The following DLG2 variants were observed in gnomAD, a reference collection of about 807,000 sequenced individuals.
DLG2 encodes the protein disks large homolog 2.
DLG2 carries 45 observed loss-of-function variants against 132.5 expected under a neutral mutation model. The observed-to-expected ratio is 0.34, with a 90% CI of 0.27 to 0.44. The LOEUF is 0.44. DLG2 is among the 20% of genes least tolerant of loss of function. The pLI, the probability that DLG2 is intolerant of heterozygous loss-of-function variation, is 1.00. For missense variants in DLG2, 1,045 were observed against 1,196.9 expected, an observed-to-expected ratio of 0.87 and a Z score of 1.87; for synonymous variants, 424 against 419.6, an observed-to-expected ratio of 1.01 and a Z score of -0.13.
chr11:84,523,682 G>C (rs2099311372), intron 7 of DLG2, among the ~76,000 whole-genome samples: 1 of 152,152 alleles, frequency 6.6e-6, no homozygotes, highest in Non-Finnish European at 1.5e-5. Flanking sequence ...ATATTGATGA[G>C]CAGCCTCTGT....
rs186452971 is a variant in DLG2, at chr11:84,877,839, G to C, written c.357+233822C>G. 4.5e-4 allele frequency among the ~76,000 whole-genome samples: 68 copies of C among 152,110 alleles called. No individual in the cohort carries two copies. In the East Asian group the frequency reaches 7.1e-3, roughly 16 times the overall value. On this transcript the variant is annotated intron_variant, in intron 6 of 27. Transcript: ENST00000376104. ...CCATCTGACAAAGGGCTGATGTCCA[G>C]AATCTACAAGGAACTTAAACAAATT... is the stretch of plus-strand genomic sequence containing the variant.
intron 3 of DLG2, among the ~76,000 whole-genome samples, chr11:85,371,971 A>T (rs1220409226): frequency 1.3e-5 from 2 of 152,222 alleles, no homozygotes; most frequent in African/African-American, 4.8e-5. Context: ...TTTTAACAAA[A>T]ATGAGAACTG....
intron 5 of DLG2, among the ~76,000 whole-genome samples, chr11:85,124,250 A>G (rs2074791116): frequency 6.6e-6 from 1 of 152,322 alleles, no homozygotes; most frequent in South Asian, 2.1e-4. Flanking sequence ...TTTTAACTTA[A>G]GTTTGCTTAA....
intron 6 of DLG2, among the ~76,000 whole-genome samples, chr11:84,826,299 C>T (rs1421225814): frequency 1.3e-5 from 2 of 151,816 alleles, no homozygotes; most frequent in African/African-American, 2.4e-5. Context: ...CTTATTTATT[C>T]TTTCTAACTA....
At chr11:84,642,066 G>A (rs555423030) in intron 6 of DLG2, among the ~76,000 whole-genome samples, 4,189 of 98,756 alleles carry the variant, frequency 0.042, 220 homozygotes, top group African/African-American at 0.21. Context: ...ATACGCACGC[G>A]TGTGTGTGTG....
intron 6 of DLG2, among the ~76,000 whole-genome samples, chr11:85,026,322 G>A (rs1260802126): frequency 6.6e-6 from 1 of 152,002 alleles, no homozygotes; most frequent in Non-Finnish European, 1.5e-5. Flanking sequence ...AAGAAATTTG[G>A]TAGTAACGGA....
intron 15 of DLG2, among the ~76,000 whole-genome samples, chr11:83,909,902 G>A (rs2075749971): frequency 6.6e-6 from 1 of 152,158 alleles, no homozygotes. Context: ...CTCTACTCCA[G>A]GGAAGCAGCC....
At chr11:85,548,660 G>A (rs1004430400) in intron 3 of DLG2, among the ~76,000 whole-genome samples, 8 of 152,184 alleles carry the variant, frequency 5.3e-5, no homozygotes, top group Admixed American at 3.9e-4. Context: ...GACTGGGGCT[G>A]TGCCTGTTTT....
intron 7 of DLG2, among the ~76,000 whole-genome samples, chr11:84,412,274 G>A (rs936472201): frequency 6.6e-6 from 1 of 150,758 alleles, no homozygotes; most frequent in Non-Finnish European, 1.5e-5. Context: ...TATAGATTTT[G>A]GGGACATTCT....
chr11:83,790,360 G>C, intron 17 of DLG2: 1 of 887,498 alleles, frequency 1.1e-6, no homozygotes, highest in Non-Finnish European at 1.8e-6. Flanking sequence ...CCCAATCAAG[G>C]AAAGAACCAT....
chr11:85,278,354 T>C (rs746271077), intron 4 of DLG2, among the ~76,000 whole-genome samples: 10 of 152,260 alleles, frequency 6.6e-5, no homozygotes, highest in Non-Finnish European at 1.3e-4. Flanking sequence ...GATTAAGAGA[T>C]AATATATTAA....
rs137917172 is a variant in DLG2, at chr11:84,820,729, C to CTT, written c.358-286000_358-285999dup. ...TTATCCTTCAGATAAAGTGAAATAC[C>CTT]TTTTTTTTTTTGAGAAGCCGAGCCC... is the stretch of plus-strand genomic sequence containing the variant. On this transcript the variant is annotated intron_variant, in intron 6 of 27. Transcript: ENST00000376104. Among the ~76,000 whole-genome samples, 269 of 147,862 alleles carry CTT rather than the reference C, an allele frequency of 1.8e-3. 4 individuals are homozygous for CTT. Among genetic ancestry groups the CTT allele is most frequent in the African/African-American group, 5.8e-3 (236 of 40,472 alleles).
At chr11:84,752,283 T>C (rs1205621908) in intron 6 of DLG2, among the ~76,000 whole-genome samples, 1 of 152,122 alleles carries the variant, frequency 6.6e-6, no homozygotes, top group Non-Finnish European at 1.5e-5. Context: ...GCTGGGAATA[T>C]AGTGGTAAAA....
chr11:84,616,633 T>C (rs770748348), intron 6 of DLG2, among the ~76,000 whole-genome samples: 5 of 152,242 alleles, frequency 3.3e-5, no homozygotes, highest in Non-Finnish European at 7.4e-5. Flanking sequence ...CTACTACTTG[T>C]TGGCTGTACA....
rs910718150 is a variant in DLG2 at position 84,320,545 on chromosome 11, C to T, written c.520-69254G>A. Among the ~76,000 whole-genome samples the T allele has an allele frequency of 4.6e-5, 7 of 152,092 alleles. No individual in the cohort carries two copies. The East Asian group carries it at 9.6e-4, about 21-fold the overall frequency. ...AGAGATTTATAAATGCTAAGAAATC[C>T]GCATTCTTTTACATCTAATAACCTT... On this transcript the variant is annotated intron_variant, in intron 7 of 27. Coordinates refer to ENST00000376104, the MANE Select transcript of DLG2 (RefSeq NM_001142699.3).
chr11:83,718,998 G>C (rs1288360768), intron 18 of DLG2, among the ~76,000 whole-genome samples: 2 of 152,140 alleles, frequency 1.3e-5, no homozygotes, highest in Non-Finnish European at 2.9e-5. Flanking sequence ...TTCTTCACCT[G>C]GGAAACGTTT....
chr11:85,471,891 C>T (rs1195700451), intron 3 of DLG2, among the ~76,000 whole-genome samples: 1 of 151,894 alleles, frequency 6.6e-6, no homozygotes, highest in African/African-American at 2.4e-5. Flanking sequence ...ACACCAATGA[C>T]AAAGAATTAT....
intron 7 of DLG2, among the ~76,000 whole-genome samples, chr11:84,447,607 A>C (rs2099039143): frequency 2.0e-5 from 3 of 152,118 alleles, no homozygotes; most frequent in South Asian, 4.1e-4. Flanking sequence ...TTCTGAGACA[A>C]ATAAATATCT....
intron 11 of DLG2, among the ~76,000 whole-genome samples, chr11:84,045,754 T>C (rs1309709788): frequency 6.6e-6 from 1 of 151,262 alleles, no homozygotes; most frequent in African/African-American, 2.4e-5. Flanking sequence ...GTAGAGAAAA[T>C]TTCTCTACAG....
Sources: allele counts gnomAD v4.1 joint callset (sites outside exome capture counted in the v4.1 genomes callset), GRCh38; gene constraint gnomAD v4.1.1; transcripts MANE v1.5; gene names NCBI Gene and HGNC (gene_info 2026-07-23, HGNC 2026-07-21).